SLC25A12: variants seen among roughly 807,000 people sequenced by gnomAD.
SLC25A12 encodes the protein electrogenic aspartate/glutamate antiporter SLC25A12, mitochondrial.
SLC25A12 carries 32 observed loss-of-function variants against 83.3 expected under a neutral mutation model. The observed-to-expected ratio is 0.38, with a 90% CI of 0.29 to 0.52. The LOEUF (loss-of-function observed/expected upper bound fraction) is 0.52. SLC25A12 is among the 20% of genes least tolerant of loss of function. The pLI is 0.84. For missense variants in SLC25A12, 611 were observed against 835.6 expected, an observed-to-expected ratio of 0.73 and a Z score of 3.31; for synonymous variants, 267 against 291.1, an observed-to-expected ratio of 0.92 and a Z score of 0.84.
intron 2 of SLC25A12, among the ~76,000 whole-genome samples, chr2:171,870,782 G>A (rs1263949272): frequency 6.6e-6 from 1 of 152,216 alleles, no homozygotes; most frequent in East Asian, 1.9e-4. Context: ...AGAGTTACAA[G>A]TGGTTGCTTC....
At chr2:171,850,960 A>T (rs1684914969) in intron 4 of SLC25A12, among the ~76,000 whole-genome samples, 1 of 152,170 alleles carries the variant, frequency 6.6e-6, no homozygotes. Context: ...TATTTGCTAT[A>T]TGTATTAATG....
At chr2:171,812,003 T>C (rs565286667) in intron 11 of SLC25A12, among the ~76,000 whole-genome samples, 32 of 152,292 alleles carry the variant, frequency 2.1e-4, no homozygotes, top group African/African-American at 7.5e-4. Flanking sequence ...GTTTAATCAG[T>C]TAAAACAAGC....
chr2:171,785,231 C>G lies in SLC25A12; in HGVS notation c.*43G>C. The G allele has an allele frequency of 6.3e-7, 1 of 1,599,090 alleles. No homozygotes were observed. The highest frequency in any genetic ancestry group is 8.6e-7 in the Non-Finnish European group (1 of 1,166,794). ...ATTACAGGGCTGCTCTCCTAGGCCT[C>G]TTTCTTCAAGGCGCCATTTTGCCAC... On this transcript the variant is annotated 3_prime_UTR_variant, in exon 18 of 18. Coordinates refer to ENST00000422440, the MANE Select transcript of SLC25A12 (RefSeq NM_003705.5).
Position 171,871,154 on chromosome 2 carries a change from A to G in SLC25A12, c.67-2331T>C, listed in dbSNP as rs187884418. 4.2e-3 allele frequency among the ~76,000 whole-genome samples: 634 copies of G among 152,278 alleles called. 4 individuals carry two copies. Among genetic ancestry groups the G allele is most frequent in the African/African-American group, 0.015 (603 of 41,568 alleles). ...GAGGTCGAGACTACAGTGAGCCATG[A>G]TTGTGCCACCACACTCCAGTCTGAG... On this transcript the variant is annotated intron_variant, in intron 2 of 17. Transcript: ENST00000422440.
At chr2:171,807,191 TGTG>T (rs1683851706) in intron 13 of SLC25A12, among the ~76,000 whole-genome samples, 1 of 152,194 alleles carries the variant, frequency 6.6e-6, no homozygotes. Context: ...AGAAAACGTT[TGTG>T]GTGAAGAACT....
chr2:171,819,347 A>G (rs1180871740), intron 9 of SLC25A12, among the ~76,000 whole-genome samples: 4 of 120,210 alleles, frequency 3.3e-5, no homozygotes, highest in Admixed American at 2.1e-4. Context: ...ATATATTATT[A>G]TATATGTATT....
intron 10 of SLC25A12, among the ~76,000 whole-genome samples, chr2:171,814,867 G>A (rs954720302): frequency 2.0e-5 from 3 of 152,208 alleles, no homozygotes; most frequent in African/African-American, 4.8e-5. Flanking sequence ...TATAATTAAG[G>A]TGAGTGCAGC....
At position 171,845,251 on chromosome 2, in the gene SLC25A12, C is replaced by T. The variant is rs139607284; in HGVS notation, c.326-743G>A. On this transcript the variant is annotated intron_variant, in intron 4 of 17. Transcript: ENST00000422440. ...GTAACATACAACCAAAACCCTCTGG[C>T]AGCTTGTCTTCATGCACTAACAACG... Among the ~76,000 whole-genome samples the T allele has an allele frequency of 4.3e-3, 657 of 152,244 alleles. 5 individuals are homozygous for T. The highest frequency in any genetic ancestry group is 0.015 in the African/African-American group (617 of 41,562).
At chr2:171,871,438 G>A (rs1055069370) in intron 2 of SLC25A12, among the ~76,000 whole-genome samples, 1 of 152,182 alleles carries the variant, frequency 6.6e-6, no homozygotes, top group East Asian at 1.9e-4. Context: ...GGTGGCATGC[G>A]CCTTTAGTCA....
chr2:171,838,985 G>C (rs976042417), intron 5 of SLC25A12, among the ~76,000 whole-genome samples: 1 of 152,038 alleles, frequency 6.6e-6, no homozygotes, highest in South Asian at 2.1e-4. Flanking sequence ...AAAATGAGAA[G>C]TTAAACACAG....
intron 8 of SLC25A12, among the ~76,000 whole-genome samples, chr2:171,828,786 T>A (rs1384367294): frequency 6.6e-6 from 1 of 152,224 alleles, no homozygotes; most frequent in Non-Finnish European, 1.5e-5. Flanking sequence ...AACCATGGCC[T>A]TATCAAATTA....
At chr2:171,875,826 T>A (rs1000043092) in intron 2 of SLC25A12, among the ~76,000 whole-genome samples, 1 of 144,008 alleles carries the variant, frequency 6.9e-6, no homozygotes, top group Non-Finnish European at 1.5e-5. Context: ...GGCAAGAGAA[T>A]GGTGTTAACC....
At chr2:171,862,367 C>T (rs1685181053) in intron 3 of SLC25A12, among the ~76,000 whole-genome samples, 1 of 152,216 alleles carries the variant, frequency 6.6e-6, no homozygotes, top group Non-Finnish European at 1.5e-5. Context: ...ACCAGAACTT[C>T]AAAGTTTAAG....
chr2:171,890,728 T>A (rs1685914030), intron 2 of SLC25A12, among the ~76,000 whole-genome samples: 1 of 152,132 alleles, frequency 6.6e-6, no homozygotes, highest in Non-Finnish European at 1.5e-5. Context: ...AGTGATCCTC[T>A]AGCCTCAGCC....
chr2:171,786,757 C>A (rs1312494469), intron 17 of SLC25A12, among the ~76,000 whole-genome samples: 2 of 152,188 alleles, frequency 1.3e-5, no homozygotes, highest in Non-Finnish European at 2.9e-5. Flanking sequence ...CTACAGCTCA[C>A]TAGTGATTAT....
At chr2:171,810,011 G>C (rs553532739) in intron 12 of SLC25A12, among the ~76,000 whole-genome samples, 2 of 152,012 alleles carry the variant, frequency 1.3e-5, no homozygotes, top group Non-Finnish European at 2.9e-5. Flanking sequence ...ACCACACTTG[G>C]CTAATTTTTA....
intron 4 of SLC25A12, among the ~76,000 whole-genome samples, chr2:171,852,481 C>T (rs1428945065): frequency 6.6e-6 from 1 of 152,204 alleles, no homozygotes; most frequent in African/African-American, 2.4e-5. Flanking sequence ...ATATTGTCTT[C>T]CAACTTTCTC....
chr2:171,795,268 GGT>G (rs1225844300), intron 13 of SLC25A12, among the ~76,000 whole-genome samples: 11 of 152,112 alleles, frequency 7.2e-5, no homozygotes, highest in Non-Finnish European at 1.0e-4. Context: ...CTGGCACACA[GGT>G]CCCCCAACGA....
intron 3 of SLC25A12, among the ~76,000 whole-genome samples, chr2:171,860,076 T>C (rs1477734628): frequency 2.6e-5 from 4 of 152,106 alleles, no homozygotes; most frequent in African/African-American, 7.2e-5. Context: ...GCCTTGGATA[T>C]GATAATGGTT....
Sources: allele counts gnomAD v4.1 joint callset (sites outside exome capture counted in the v4.1 genomes callset), GRCh38; gene constraint gnomAD v4.1.1; transcripts MANE v1.5; gene names NCBI Gene and HGNC (gene_info 2026-07-23, HGNC 2026-07-21).